The following USP25 variants were observed in gnomAD, a reference collection of about 807,000 sequenced individuals.
The protein encoded by USP25 is ubiquitin carboxyl-terminal hydrolase 25.
In USP25, 85 loss-of-function variants were observed where a neutral mutation model predicts 158.5. The observed-to-expected ratio is 0.54, with a 90% CI of 0.45 to 0.64. The LOEUF is 0.64. USP25 is among the 30% of genes least tolerant of loss of function. USP25 has a pLI of 0.00. For missense variants in USP25, 1,242 were observed against 1,327.3 expected (o/e 0.94, Z 1.00); for synonymous variants, 464 against 460.4 (o/e 1.01, Z -0.10).
intron 20 of USP25, among the ~76,000 whole-genome samples, chr21:15,858,559 C>G (rs921578127): frequency 1.3e-5 from 2 of 151,216 alleles, no homozygotes; most frequent in Non-Finnish European, 3.0e-5. Context: ...TCTTTGTTTT[C>G]TAATGGTTTT....
intron 9 of USP25, among the ~76,000 whole-genome samples, chr21:15,817,290 G>A (rs2036991389): frequency 1.3e-5 from 2 of 151,896 alleles, no homozygotes; most frequent in South Asian, 4.2e-4. Context: ...TCCTGTTGGT[G>A]CCCTTCCTTG....
intron 3 of USP25, among the ~76,000 whole-genome samples, chr21:15,773,633 C>T (rs1180280871): frequency 6.6e-6 from 1 of 152,110 alleles, no homozygotes; most frequent in East Asian, 1.9e-4. Flanking sequence ...TCATAAAAAA[C>T]ATGTCTAAGA....
intron 4 of USP25, among the ~76,000 whole-genome samples, chr21:15,790,781 C>T (rs962890701): frequency 3.3e-5 from 5 of 151,354 alleles, no homozygotes; most frequent in African/African-American, 1.2e-4. Context: ...GTTGCATGCT[C>T]AGGAGCAAGA....
chr21:15,732,372 A>G (rs892855696), intron 1 of USP25, among the ~76,000 whole-genome samples: 3 of 152,228 alleles, frequency 2.0e-5, no homozygotes, highest in African/African-American at 7.2e-5. Context: ...TGTTACTCAT[A>G]TTAGAACTAT....
At chr21:15,832,986 C>T (rs971218354) in intron 16 of USP25, among the ~76,000 whole-genome samples, 1 of 152,010 alleles carries the variant, frequency 6.6e-6, no homozygotes. Context: ...TCACTGCACT[C>T]CAGCCTGAGT....
intron 19 of USP25, among the ~76,000 whole-genome samples, chr21:15,848,996 A>G (rs2038760698): frequency 7.0e-6 from 1 of 143,278 alleles, no homozygotes; most frequent in African/African-American, 2.9e-5. Flanking sequence ...GAAAACAAAA[A>G]AAATGCTTAA....
chr21:15,791,478 C>T, intron 4 of USP25, 24 bp from the exon 5 acceptor site: 2 of 1,587,288 alleles, frequency 1.3e-6, no homozygotes, highest in Non-Finnish European at 8.6e-7. Flanking sequence ...TATAATGCTG[C>T]ATTTTTTTCC....
Position 15,818,933 on chromosome 21 carries a change from T to C in USP25, c.1080+87T>C, listed in dbSNP as rs2037089498. The C allele has an allele frequency of 8.6e-6, 12 of 1,396,748 alleles. No individual in the cohort carries two copies. The South Asian group carries it at 1.7e-4, about 20-fold the overall frequency. The allele number at this position is 1,396,748 out of a possible 1,614,324, so 86.5% of individuals were successfully genotyped here. ...CAATGTAAGGTTCTAATTATAGAGC[T>C]ACCTAATAATTGAGAGAGAATACTC... On this transcript the variant is annotated intron_variant, in intron 10 of 25. Transcript: ENST00000400183.
At chr21:15,745,989 T>C (rs2032526251) in intron 1 of USP25, among the ~76,000 whole-genome samples, 1 of 152,218 alleles carries the variant, frequency 6.6e-6, no homozygotes, top group Admixed American at 6.5e-5. Flanking sequence ...ATTATATTGG[T>C]ACCTTTATGG....
intron 1 of USP25, among the ~76,000 whole-genome samples, chr21:15,761,288 C>A (rs1049987079): frequency 6.6e-6 from 1 of 152,144 alleles, no homozygotes; most frequent in Non-Finnish European, 1.5e-5. Context: ...CAGTAGGTAG[C>A]TAGTCAGACA....
chr21:15,830,001 T>A (rs1296005031), intron 14 of USP25, among the ~76,000 whole-genome samples: 1 of 152,146 alleles, frequency 6.6e-6, no homozygotes, highest in Non-Finnish European at 1.5e-5. Context: ...ATCTCTTTTT[T>A]AAAAATTATT....
In USP25 at chr21:15,847,749, A is replaced by G; in HGVS notation, c.2424A>G (p.Glu808=). The G allele has an allele frequency of 6.5e-7, 1 of 1,549,936 alleles. No homozygotes were observed. The highest frequency in any genetic ancestry group is 8.7e-7 in the Non-Finnish European group (1 of 1,146,406). ...CTCATGTAGGGAAATTTATGATTGA[A>G]TCAAAGGAGGGGGGGTATGATGACG... The part of the protein sequence containing the change: ...AIPHVGKFMI[E]SKEGGYDDEI... The change falls in exon 19 of 26, where the codon GAA becomes GAG. Residue 808 remains glutamate (E), a synonymous_variant. Coordinates refer to ENST00000400183, the MANE Select transcript of USP25 (RefSeq NM_001283041.3).
chr21:15,739,751 T>C (rs373264045), intron 1 of USP25, among the ~76,000 whole-genome samples: 11 of 152,318 alleles, frequency 7.2e-5, no homozygotes, highest in African/African-American at 2.2e-4. Context: ...ATTTTTGTTA[T>C]GTTTGAAGGA....
At chr21:15,780,235 G>A (rs929367150) in intron 4 of USP25, among the ~76,000 whole-genome samples, 9 of 152,174 alleles carry the variant, frequency 5.9e-5, no homozygotes, top group African/African-American at 2.4e-5. Context: ...ATACTACATT[G>A]TGTGTAATTT....
At chr21:15,819,016 A>C (rs545019570) in intron 10 of USP25, among the ~76,000 whole-genome samples, 170 bp downstream of exon 10, 19 of 152,228 alleles carry the variant, frequency 1.2e-4, no homozygotes, top group Non-Finnish European at 2.2e-4. Flanking sequence ...TGTCCAGTCA[A>C]TATGGCCTAT....
chr21:15,763,528 A>C (rs2033859788), intron 2 of USP25, among the ~76,000 whole-genome samples: 2 of 152,300 alleles, frequency 1.3e-5, no homozygotes, highest in South Asian at 4.1e-4. Flanking sequence ...TCACATCGAC[A>C]TCCAAATGAG....
chr21:15,854,068 TTAGA>T (rs1441914084), intron 20 of USP25, among the ~76,000 whole-genome samples: 1 of 152,182 alleles, frequency 6.6e-6, no homozygotes, highest in African/African-American at 2.4e-5. Flanking sequence ...TTCCCCTCAA[TTAGA>T]TATAGTATTT....
chr21:15,764,918 C>T (rs886245574), intron 2 of USP25, among the ~76,000 whole-genome samples: 1 of 152,062 alleles, frequency 6.6e-6, no homozygotes, highest in Admixed American at 6.6e-5. Flanking sequence ...GCCAGCTGCT[C>T]AGTCCTTAAA....
rs1401113818 is a variant in USP25 at position 15,843,865 on chromosome 21, A to G, written c.2337+1325A>G. Among the ~76,000 whole-genome samples, 1 of 152,206 alleles carries G rather than the reference A, an allele frequency of 6.6e-6. No individual in the cohort carries two copies. The highest frequency in any genetic ancestry group is 1.5e-5 in the Non-Finnish European group (1 of 68,018). On this transcript the variant is annotated intron_variant, in intron 18 of 25. Coordinates refer to ENST00000400183, the MANE Select transcript of USP25 (RefSeq NM_001283041.3). The surrounding 1 kb of genome is among the most constrained non-coding windows in gnomAD (Gnocchi z 4.0). ...GCCTAAATTATGATTAATGAGTGTC[A>G]CTTTTTAAGCTGGTATTAGAAAACC...
Sources: gnomAD v4.1 joint callset for allele counts (sites outside exome capture counted in the v4.1 genomes callset) on GRCh38, gnomAD v4.1.1 for gene constraint, Gnocchi (gnomAD v3.1) non-coding constraint, MANE v1.5 for transcripts, NCBI Gene and HGNC (gene_info 2026-07-23, HGNC 2026-07-21) for gene names.